The following TFAP2D variants were observed in gnomAD, a reference collection of about 807,000 sequenced individuals.
TFAP2D encodes the protein transcription factor AP-2 delta, also known as transcription factor AP-2-delta.
Under a neutral mutation model 43.6 loss-of-function variants are expected in TFAP2D, and 9 were observed. The ratio of observed to expected loss-of-function variants is 0.21; its 90% CI spans 0.12 to 0.36. The LOEUF (loss-of-function observed/expected upper bound fraction) is 0.36, where lower values mean the gene tolerates loss of function less well. Ranked by LOEUF, TFAP2D falls within the 10% of genes least tolerant of loss-of-function variation. TFAP2D has a pLI of 1.00. For synonymous variants in TFAP2D, 256 were observed against 224.9 expected (o/e 1.14, Z -1.24); for missense variants, 513 against 561.4 (o/e 0.91, Z 0.87).
chr6:50,735,375 T>C (rs746775992), intron 5 of TFAP2D, among the ~76,000 whole-genome samples: 1 of 152,152 alleles, frequency 6.6e-6, no homozygotes, highest in Non-Finnish European at 1.5e-5. Flanking sequence ...TACCAATCTT[T>C]GAGCCTGTTT....
At chr6:50,759,848 G>C (rs1183275493) in intron 7 of TFAP2D, among the ~76,000 whole-genome samples, 1 of 151,998 alleles carries the variant, frequency 6.6e-6, no homozygotes, top group Non-Finnish European at 1.5e-5. Flanking sequence ...CTCAAAGTAA[G>C]TGGCTGAGGA....
intron 5 of TFAP2D, among the ~76,000 whole-genome samples, chr6:50,732,531 A>C (rs919528482): frequency 2.0e-4 from 30 of 152,084 alleles, no homozygotes; most frequent in African/African-American, 7.0e-4. Context: ...AGACTTAGAA[A>C]TAAATCTCAT....
chr6:50,715,011 T>C (rs1768592709), intron 1 of TFAP2D, 105 bp from the exon 2 acceptor site: 1 of 1,456,872 alleles, frequency 6.9e-7, no homozygotes, highest in Non-Finnish European at 9.2e-7. Flanking sequence ...CTCGCTTTCC[T>C]TGGAGTGCCA....
At chr6:50,723,299 G>C (rs959283077) in intron 3 of TFAP2D, among the ~76,000 whole-genome samples, 4 of 152,236 alleles carry the variant, frequency 2.6e-5, no homozygotes, top group Non-Finnish European at 5.9e-5. Flanking sequence ...CCGGCAGCAG[G>C]CTGCTTGGCA....
intron 6 of TFAP2D, among the ~76,000 whole-genome samples, chr6:50,746,227 T>TTTTGTTTGTTTGTTTG (rs3830761): frequency 6.6e-5 from 10 of 150,938 alleles, no homozygotes; most frequent in Non-Finnish European, 1.5e-4. Context: ...GGGAAAAGTA[T>TTTTGTTTGTTTGTTTG]TTTGTTTGTT....
At chr6:50,749,596 A>G (rs1769171966) in intron 6 of TFAP2D, among the ~76,000 whole-genome samples, 1 of 151,916 alleles carries the variant, frequency 6.6e-6, no homozygotes, top group Admixed American at 6.6e-5. Flanking sequence ...AAAGACAACA[A>G]ATCTATATTA....
At chr6:50,766,179 T>C (rs1228076387) in intron 7 of TFAP2D, among the ~76,000 whole-genome samples, 3 of 152,222 alleles carry the variant, frequency 2.0e-5, no homozygotes, top group Non-Finnish European at 4.4e-5. Flanking sequence ...TTACTACATA[T>C]ATGAGGGTTT....
intron 6 of TFAP2D, among the ~76,000 whole-genome samples, chr6:50,746,913 A>G (rs886547885): frequency 2.0e-5 from 3 of 152,152 alleles, no homozygotes; most frequent in African/African-American, 7.2e-5. Context: ...GAAAAGCAAA[A>G]GTTGGTGGCA....
At chr6:50,728,116 T>C (rs1025779884) in intron 3 of TFAP2D, among the ~76,000 whole-genome samples, 2 of 152,174 alleles carry the variant, frequency 1.3e-5, no homozygotes. Flanking sequence ...TTTGTTTTGC[T>C]CCCTAATAGT....
At chr6:50,761,730 C>G (rs1769366936) in intron 7 of TFAP2D, among the ~76,000 whole-genome samples, 1 of 152,150 alleles carries the variant, frequency 6.6e-6, no homozygotes, top group East Asian at 1.9e-4. Context: ...AATATGGACA[C>G]AGCTTTGTAG....
At chr6:50,718,031 T>A (rs574903894) in intron 2 of TFAP2D, 2 of 152,200 alleles carry the variant, frequency 1.3e-5, no homozygotes, top group Admixed American at 6.5e-5. Flanking sequence ...AGTTCCATCT[T>A]TGAGTCCCCT....
chr6:50,769,179 C>A (rs1654197016), intron 7 of TFAP2D, among the ~76,000 whole-genome samples: 1 of 152,190 alleles, frequency 6.6e-6, no homozygotes, highest in Admixed American at 6.5e-5. Context: ...CAGGCATGAG[C>A]CACTGCGCCC....
intron 2 of TFAP2D, 123 bp from the exon 3 acceptor site, chr6:50,718,967 T>C (rs991187710): frequency 1.1e-6 from 1 of 929,790 alleles, no homozygotes; most frequent in Non-Finnish European, 1.6e-6. Flanking sequence ...TTCAGCTCAA[T>C]GCTTGCTTTC....
intron 6 of TFAP2D, among the ~76,000 whole-genome samples, chr6:50,746,248 T>G (rs1438287931): frequency 6.6e-6 from 1 of 152,052 alleles, no homozygotes; most frequent in Non-Finnish European, 1.5e-5. Flanking sequence ...TGTTTGTTTG[T>G]TTGTTTGAGA....
chr6:50,731,991 T>TCAACTGAAACTCA lies in TFAP2D; in HGVS notation c.883+2679_883+2680insCAACTGAAACTCA, dbSNP rs1768901790. ...CAACATGGGTCTAATGTTTGTTCCA[T>TCAACTGAAACTCA]TTCTACAGTTTTACTCCTGTATGAA... On this transcript the variant is annotated intron_variant, in intron 5 of 7. Coordinates refer to ENST00000008391, the MANE Select transcript of TFAP2D (RefSeq NM_172238.4). 2.0e-5 allele frequency among the ~76,000 whole-genome samples: 3 copies of TCAACTGAAACTCA among 152,232 alleles called. No homozygotes were observed. In the East Asian group the frequency reaches 5.8e-4, roughly 29 times the overall value.
chr6:50,755,439 A>AC (rs1554156705), intron 7 of TFAP2D, among the ~76,000 whole-genome samples: 2 of 151,642 alleles, frequency 1.3e-5, no homozygotes, highest in South Asian at 2.1e-4. Context: ...TAAAAAAAAA[A>AC]AAAAAACTCA....
chr6:50,730,935 C>T (rs1390986414), intron 5 of TFAP2D, among the ~76,000 whole-genome samples: 1 of 152,098 alleles, frequency 6.6e-6, no homozygotes, highest in Non-Finnish European at 1.5e-5. Context: ...TGAAAATTAT[C>T]AATCCCAGTA....
intron 7 of TFAP2D, among the ~76,000 whole-genome samples, chr6:50,771,654 A>G (rs1313228854): frequency 1.3e-5 from 2 of 152,202 alleles, no homozygotes; most frequent in Admixed American, 1.3e-4. Flanking sequence ...AAATATTTAG[A>G]CTTGGTAATA....
At chr6:50,763,625 A>G (rs1398553413) in intron 7 of TFAP2D, among the ~76,000 whole-genome samples, 1 of 152,134 alleles carries the variant, frequency 6.6e-6, no homozygotes, top group Non-Finnish European at 1.5e-5. Flanking sequence ...TTAATAATCC[A>G]TTGTGAACAA....
Sources: gnomAD v4.1 joint callset for allele counts (sites outside exome capture counted in the v4.1 genomes callset) on GRCh38, gnomAD v4.1.1 for gene constraint, MANE v1.5 for transcripts, NCBI Gene and HGNC (gene_info 2026-07-23, HGNC 2026-07-21) for gene names.